The following UROC1 variants were observed in gnomAD, a reference collection of about 807,000 sequenced individuals.
UROC1 encodes urocanate hydratase.
A neutral mutation model predicts 89.5 loss-of-function variants in UROC1; 79 were observed. The observed-to-expected ratio is 0.88, with a 90% confidence interval of 0.74 to 1.06. UROC1 has a LOEUF of 1.06. Among genes scored for constraint, UROC1 ranks in the 50% least tolerant of loss-of-function variants. UROC1 has a pLI of 0.00. For synonymous variants in UROC1, 361 were observed against 354.8 expected (o/e 1.02, Z -0.20); for missense variants, 885 against 907.8 (o/e 0.97, Z 0.32).
At chr3:126,508,613 G>A (rs188498968) in intron 3 of UROC1, 138 bp from the exon 4 acceptor site, 18 of 684,664 alleles carry the variant, frequency 2.6e-5, no homozygotes, top group East Asian at 1.4e-4. Context: ...GCCCAGGGAC[G>A]GACACATCTG....
intron 16 of UROC1, among the ~76,000 whole-genome samples, chr3:126,492,036 C>T (rs1935665399): frequency 6.6e-6 from 1 of 152,110 alleles, no homozygotes; most frequent in Non-Finnish European, 1.5e-5. Context: ...GCCCCTGAGC[C>T]ACCTATGCTT....
intron 1 of UROC1, among the ~76,000 whole-genome samples, chr3:126,515,496 C>CT (rs1936283695): frequency 7.0e-6 from 1 of 143,558 alleles, no homozygotes; most frequent in South Asian, 2.3e-4. Context: ...ACCACCTACC[C>CT]CTTCCACTCC....
intron 9 of UROC1, chr3:126,501,800 C>G (rs947126416): frequency 6.3e-7 from 1 of 1,599,298 alleles, no homozygotes; most frequent in Non-Finnish European, 8.5e-7. Flanking sequence ...TGAATGCTTA[C>G]CAGGAGTGGC....
Position 126,510,390 on chromosome 3 carries a change from A to C in UROC1, c.257+274T>G, listed in dbSNP as rs182718579. 1.0e-3 allele frequency among the ~76,000 whole-genome samples: 155 copies of C among 152,366 alleles called. 2 individuals are homozygous for C. Among genetic ancestry groups the C allele is most frequent in the Admixed American group, 6.6e-3 (101 of 15,306 alleles). ...GGTTTTGTATACAATTTGTCTCCAGAATTGCACAGGACTGGCTGCTCAGGA... is the reference window on the plus strand; with the variant it reads ...GGTTTTGTATACAATTTGTCTCCAGCATTGCACAGGACTGGCTGCTCAGGA... On this transcript the variant is annotated intron_variant, in intron 2 of 19. Coordinates refer to ENST00000290868, the MANE Select transcript of UROC1 (RefSeq NM_144639.3).
chr3:126,490,427 T>C (rs777477), intron 16 of UROC1, among the ~76,000 whole-genome samples: 102,809 of 152,050 alleles, frequency 0.68, 35,127 homozygotes, highest in Non-Finnish European at 0.74. Context: ...TGGCTCATTC[T>C]TGTAATCGTA....
chr3:126,489,149 G>T, intron 17 of UROC1, 127 bp downstream of exon 17: 4 of 875,458 alleles, frequency 4.6e-6, no homozygotes, highest in Non-Finnish European at 7.5e-6. Context: ...GTCCTGGGTT[G>T]GTCACTCTAT....
At position 126,499,615 on chromosome 3, in the gene UROC1, C is replaced by T. The variant is rs77069659; in HGVS notation, c.1244-206G>A. 1.0e-3 allele frequency among the ~76,000 whole-genome samples: 153 copies of T among 152,362 alleles called. 2 individuals carry two copies. The highest frequency in any genetic ancestry group is 0.01 in the East Asian group (52 of 5,180). ...GCAGGATGCATGCGCTTGCCATGGA[C>T]GCTGTGTCAGCCTCCAGCGCGCCAG... On this transcript the variant is annotated intron_variant, in intron 12 of 19. Transcript: ENST00000290868.
At chr3:126,493,373 C>A (rs1472657622) in intron 15 of UROC1, among the ~76,000 whole-genome samples, 1 of 152,206 alleles carries the variant, frequency 6.6e-6, no homozygotes, top group East Asian at 1.9e-4. Context: ...ACCTGGGTAT[C>A]CAGCGTGGTG....
intron 6 of UROC1, 111 bp from the exon 7 acceptor site, chr3:126,506,122 A>C: frequency 8.8e-7 from 1 of 1,136,332 alleles, no homozygotes; most frequent in Non-Finnish European, 1.3e-6. Flanking sequence ...CCCAATAGGC[A>C]TTAATATATT....
rs544968127 is a variant in UROC1, at chr3:126,508,552, C to T, written c.352-77G>A. 7.0e-6 allele frequency: 9 copies of T among 1,281,828 alleles called. No individual in the cohort carries two copies. The East Asian group carries it at 2.0e-4, about 28-fold the overall frequency. 79.4% of individuals were successfully genotyped at this position (1,281,828 alleles called of 1,614,324 possible). ...AGTTGCAGACAGGGAGAGAAAGGGC[C>T]CCCATCCCCTGGGGGCCCAATGGGA... On this transcript the variant is annotated intron_variant, in intron 3 of 19. Coordinates refer to ENST00000290868, the MANE Select transcript of UROC1 (RefSeq NM_144639.3).
intron 18 of UROC1, among the ~76,000 whole-genome samples, chr3:126,486,197 C>T (rs907009676): frequency 4.6e-5 from 7 of 152,254 alleles, no homozygotes; most frequent in African/African-American, 1.2e-4. Flanking sequence ...GATGCCCACC[C>T]ACCTGCTGCC....
intron 14 of UROC1, among the ~76,000 whole-genome samples, chr3:126,497,411 T>C (rs1227482830): frequency 6.6e-6 from 1 of 152,062 alleles, no homozygotes; most frequent in South Asian, 2.1e-4. Flanking sequence ...CATGTAGACA[T>C]GGAAAAACAC....
intron 18 of UROC1, among the ~76,000 whole-genome samples, chr3:126,486,445 C>T (rs1302519916): frequency 2.0e-5 from 3 of 152,262 alleles, no homozygotes; most frequent in South Asian, 2.1e-4. Context: ...GCGGTCCAAA[C>T]GTCCACCTGA....
chr3:126,515,176 C>T (rs918639527), intron 1 of UROC1, among the ~76,000 whole-genome samples: 2 of 152,090 alleles, frequency 1.3e-5, no homozygotes, highest in African/African-American at 2.4e-5. Context: ...GAGCTGATCA[C>T]AGCCACAGGG....
intron 6 of UROC1, among the ~76,000 whole-genome samples, chr3:126,507,213 A>T (rs541368203): frequency 3.3e-5 from 5 of 152,344 alleles, no homozygotes; most frequent in African/African-American, 1.2e-4. Context: ...GGTTGCACAG[A>T]TGCACACTTT....
At chr3:126,489,225 A>C (rs1480982914) in intron 17 of UROC1, 51 bp downstream of exon 17, 3 of 1,523,922 alleles carry the variant, frequency 2.0e-6, no homozygotes, top group Non-Finnish European at 2.7e-6. Flanking sequence ...ATCAATTTTT[A>C]ATAAAATCCA....
chr3:126,492,297 G>C (rs1324479513), intron 16 of UROC1, 121 bp downstream of exon 16: 27 of 958,194 alleles, frequency 2.8e-5, no homozygotes, highest in East Asian at 7.8e-5. Flanking sequence ...GGCCCAACGG[G>C]GGTGTCTCCC....
At chr3:126,507,590 AACT>A (rs1424840908) in intron 6 of UROC1, 149 bp downstream of exon 6, 16 of 804,896 alleles carry the variant, frequency 2.0e-5, no homozygotes, top group Non-Finnish European at 3.3e-5. Flanking sequence ...ATATACATAA[AACT>A]ACTAGGGAAT....
intron 16 of UROC1, among the ~76,000 whole-genome samples, chr3:126,490,908 C>A (rs1031881053): frequency 6.6e-6 from 1 of 152,164 alleles, no homozygotes; most frequent in Non-Finnish European, 1.5e-5. Context: ...AGTCCTATTC[C>A]TATCACCAGG....
Sources: allele counts gnomAD v4.1 joint callset (sites outside exome capture counted in the v4.1 genomes callset), GRCh38; gene constraint gnomAD v4.1.1; transcripts MANE v1.5; gene names NCBI Gene and HGNC (gene_info 2026-07-23, HGNC 2026-07-21).